Variants in PEBP4 observed in about 807,000 individuals in gnomAD.
The protein encoded by PEBP4 is phosphatidylethanolamine binding protein 4, also known as phosphatidylethanolamine-binding protein 4.
In PEBP4, 22 loss-of-function variants were observed where a neutral mutation model predicts 23.9. The ratio of observed to expected loss-of-function variants is 0.92; its 90% CI spans 0.66 to 1.31. The LOEUF is 1.31. Ranked by LOEUF, PEBP4 falls within the 40% of genes most tolerant of loss-of-function variation. The probability of loss-of-function intolerance (pLI) is 0.00; values close to 1 mark genes in which losing one functional copy is unlikely to be tolerated. For synonymous variants in PEBP4, 112 were observed against 99.3 expected (o/e 1.13, Z -0.76); for missense variants, 324 against 281.7 (o/e 1.15, Z -1.07).
chr8:22,927,891 G>C lies in PEBP4; in HGVS notation c.-75C>G, dbSNP rs79977603. The C allele has an allele frequency of 9.0e-6, 6 of 668,854 alleles. No individual in the cohort carries two copies. The South Asian group carries it at 1.3e-4, about 14-fold the overall frequency. The allele number at this position is 668,854 out of a possible 1,614,324, so 41.4% of individuals were successfully genotyped here. ...CCGCAGCTAATCCAGTCCACCACCCGGACACAAGTACTTTGGGAGGACTGG... is the reference window on the plus strand; with the variant it reads ...CCGCAGCTAATCCAGTCCACCACCCCGACACAAGTACTTTGGGAGGACTGG... On this transcript the variant is annotated 5_prime_UTR_variant, in exon 1 of 7. Coordinates refer to ENST00000256404, the MANE Select transcript of PEBP4 (RefSeq NM_144962.3).
intron 4 of PEBP4, among the ~76,000 whole-genome samples, chr8:22,768,232 C>T (rs533827556): frequency 1.1e-3 from 175 of 152,316 alleles, no homozygotes; most frequent in Middle Eastern, 3.4e-3. Flanking sequence ...CCCACGAACA[C>T]TTCTTGTGTC....
chr8:22,792,658 C>T (rs117245194), intron 4 of PEBP4, among the ~76,000 whole-genome samples: 3,477 of 152,144 alleles, frequency 0.023, 74 homozygotes, highest in South Asian at 0.067. Context: ...TCTAAGTATA[C>T]GTTGCTCTTT....
At chr8:22,933,146 T>C (rs762177113) in intron 1 of PEBP4, among the ~76,000 whole-genome samples, 47 of 152,182 alleles carry the variant, frequency 3.1e-4, no homozygotes, top group Non-Finnish European at 3.2e-4. Context: ...AGACCCATCA[T>C]GTGCAATGCT....
At chr8:22,913,966 G>A (rs1809009729) in intron 3 of PEBP4, among the ~76,000 whole-genome samples, 1 of 147,484 alleles carries the variant, frequency 6.8e-6, no homozygotes, top group Admixed American at 6.7e-5. Context: ...CTACAGGTGT[G>A]AACTACCAGG....
At chr8:22,931,952 C>T (rs1181529235), upstream of PEBP4, among the ~76,000 whole-genome samples, 3 of 152,184 alleles carry the variant, frequency 2.0e-5, no homozygotes, top group Non-Finnish European at 2.9e-5. Context: ...TCAATTTCTT[C>T]GCCCTTATCT....
chr8:22,765,371 T>G (rs1205666105), intron 4 of PEBP4, among the ~76,000 whole-genome samples: 1 of 152,214 alleles, frequency 6.6e-6, no homozygotes, highest in Middle Eastern at 3.2e-3. Flanking sequence ...CTCGAACTCC[T>G]GACCTCAAGT....
chr8:22,829,752 C>A (rs983630092), intron 3 of PEBP4, among the ~76,000 whole-genome samples: 3 of 152,158 alleles, frequency 2.0e-5, no homozygotes, highest in Non-Finnish European at 2.9e-5. Flanking sequence ...TTTAAAGACA[C>A]CTTCCTTGGC....
intron 3 of PEBP4, among the ~76,000 whole-genome samples, chr8:22,837,466 G>A (rs569892012): frequency 1.3e-4 from 20 of 152,302 alleles, no homozygotes; most frequent in African/African-American, 4.6e-4. Context: ...GCTCATTGCT[G>A]CCCGATAATC....
At chr8:22,725,866 G>A (rs774946948) in intron 5 of PEBP4, among the ~76,000 whole-genome samples, 4 of 152,102 alleles carry the variant, frequency 2.6e-5, no homozygotes, top group African/African-American at 4.8e-5. Context: ...ACAAAAGCAC[G>A]ACTTGCTGCT....
chr8:22,802,697 A>G (rs1294872409), intron 4 of PEBP4, among the ~76,000 whole-genome samples: 1 of 152,192 alleles, frequency 6.6e-6, no homozygotes, highest in Non-Finnish European at 1.5e-5. Context: ...GTGTTCCAAG[A>G]CGCTTTGTTA....
At chr8:22,744,148 G>A (rs980957241) in intron 4 of PEBP4, among the ~76,000 whole-genome samples, 1 of 152,202 alleles carries the variant, frequency 6.6e-6, no homozygotes, top group Admixed American at 6.5e-5. Flanking sequence ...TTGGTCAGGG[G>A]AACATAAAAT....
intron 3 of PEBP4, among the ~76,000 whole-genome samples, chr8:22,914,345 C>T (rs1463326562): frequency 6.6e-6 from 1 of 152,184 alleles, no homozygotes; most frequent in Non-Finnish European, 1.5e-5. Context: ...ATCCTCCTGT[C>T]TTGGGCTCCC....
chr8:22,910,441 C>T (rs1389902653), intron 3 of PEBP4, among the ~76,000 whole-genome samples: 9 of 152,220 alleles, frequency 5.9e-5, no homozygotes, highest in Non-Finnish European at 1.2e-4. Context: ...TTTATGTTCT[C>T]ATTGGAGAGA....
chr8:22,713,392 T>A lies in PEBP4; in HGVS notation c.662A>T (p.Gln221Leu), dbSNP rs79936857. The change falls in exon 7 of 7, where the codon CAG becomes CTG. Residue 221 changes from glutamine to leucine, a missense_variant. Gln to Leu is a moderately radical substitution (Grantham distance 113). Coordinates refer to ENST00000256404, the MANE Select transcript of PEBP4 (RefSeq NM_144962.3). ...TATCTAGCAGGCAGCTATCTCCGCC[T>A]GGTTTTTGTGCTTGGGCTCGCTGGC... ...ERASEPKHKN[Q>L]AEIAAC is the part of the protein sequence containing the mutation. 6.3e-7 allele frequency: 1 copy of A among 1,587,982 alleles called. No homozygotes were observed. Among genetic ancestry groups the A allele is most frequent in the African/African-American group, 1.4e-5 (1 of 71,414 alleles).
In PEBP4 at chr8:22,882,728, A is replaced by C. The variant is rs1048985328; in HGVS notation, c.258+37456T>G. ...AAATAGGAAACTCCTCTGTGAGAAC[A>C]ATTTGCTTATGAAAACCTACCAGTC... On this transcript the variant is annotated intron_variant, in intron 3 of 6. Coordinates refer to ENST00000256404, the MANE Select transcript of PEBP4 (RefSeq NM_144962.3). Among the ~76,000 whole-genome samples the C allele has an allele frequency of 1.5e-3, 227 of 152,152 alleles. 1 individual carries two copies. The highest frequency in any genetic ancestry group is 4.0e-4 in the Non-Finnish European group (27 of 68,040).
chr8:22,827,611 G>A (rs553603938), intron 3 of PEBP4, among the ~76,000 whole-genome samples: 3 of 152,192 alleles, frequency 2.0e-5, no homozygotes, highest in Admixed American at 2.0e-4. Context: ...TCATTGTATG[G>A]ATAGAGACCA....
At chr8:22,861,794 G>C (rs1352557483) in intron 3 of PEBP4, among the ~76,000 whole-genome samples, 2 of 152,162 alleles carry the variant, frequency 1.3e-5, no homozygotes, top group Non-Finnish European at 2.9e-5. Flanking sequence ...GAGAGGTATG[G>C]GGTAGGGGTG....
chr8:22,782,986 G>A (rs1478521694), intron 4 of PEBP4, among the ~76,000 whole-genome samples: 1 of 152,252 alleles, frequency 6.6e-6, no homozygotes, highest in East Asian at 1.9e-4. Context: ...GCAATCCCGG[G>A]AGGTTCCAGC....
intron 3 of PEBP4, among the ~76,000 whole-genome samples, chr8:22,918,653 T>C (rs940005957): frequency 1.9e-4 from 29 of 152,318 alleles, no homozygotes; most frequent in Admixed American, 1.2e-3. Context: ...GTCCCTGGCC[T>C]GTGAAAGCAT....
Sources: gnomAD v4.1 joint callset for allele counts (sites outside exome capture counted in the v4.1 genomes callset) on GRCh38, gnomAD v4.1.1 for gene constraint, MANE v1.5 for transcripts, NCBI Gene and HGNC (gene_info 2026-07-23, HGNC 2026-07-21) for gene names.